The following LRRK2 variants were observed in gnomAD, a reference collection of about 807,000 sequenced individuals.
LRRK2 encodes the protein leucine rich repeat kinase 2.
A neutral mutation model predicts 302.6 loss-of-function variants in LRRK2; 203 were observed. The observed-to-expected ratio is 0.67, with a 90% CI of 0.60 to 0.75. The LOEUF is 0.75. Ranked by LOEUF, LRRK2 falls within the 30% of genes least tolerant of loss-of-function variation. LRRK2 has a pLI of 0.00. For missense variants in LRRK2, 2,830 were observed against 2,951.0 expected (o/e 0.96, Z 0.95); for synonymous variants, 1,066 against 1,031.9 (o/e 1.03, Z -0.63).
chr12:40,254,342 T>A (rs766228239), intron 11 of LRRK2, among the ~76,000 whole-genome samples: 1 of 152,196 alleles, frequency 6.6e-6, no homozygotes, highest in African/African-American at 2.4e-5. Context: ...AATCATTTCT[T>A]CTTCCTCTTC....
intron 7 of LRRK2, 128 bp from the exon 8 acceptor site, chr12:40,249,698 A>C (rs1942167034): frequency 9.5e-7 from 1 of 1,058,180 alleles, no homozygotes; most frequent in African/African-American, 1.6e-5. Context: ...ATTTTAATTA[A>C]AGTAAATGTT....
At chr12:40,279,225 T>TTTTTTTTTTTTTTTTTTTTTGAG (rs1943587148) in intron 18 of LRRK2, among the ~76,000 whole-genome samples, 4 of 148,056 alleles carry the variant, frequency 2.7e-5, no homozygotes, top group Non-Finnish European at 6.0e-5. Flanking sequence ...GTTTACTTTT[T>TTTTTTTTTTTTTTTTTTTTTGAG]AAACCTTACT....
chr12:40,291,442 AT>A (rs1944155291), intron 20 of LRRK2, among the ~76,000 whole-genome samples: 2 of 149,878 alleles, frequency 1.3e-5, no homozygotes, highest in Admixed American at 6.7e-5. Flanking sequence ...ATATATATAT[AT>A]ATATATAAAT....
chr12:40,236,909 A>T (rs1941490817), intron 4 of LRRK2, among the ~76,000 whole-genome samples: 1 of 151,796 alleles, frequency 6.6e-6, no homozygotes, highest in Non-Finnish European at 1.5e-5. Flanking sequence ...CAGGAAGATG[A>T]GGGTTTATTA....
intron 7 of LRRK2, among the ~76,000 whole-genome samples, chr12:40,248,867 C>G (rs952240752): frequency 6.6e-6 from 1 of 152,122 alleles, no homozygotes; most frequent in African/African-American, 2.4e-5. Flanking sequence ...AGAAAATCTT[C>G]TTGAAAACAC....
chr12:40,285,475 ATATT>A (rs1943883797), intron 19 of LRRK2, among the ~76,000 whole-genome samples: 1 of 152,054 alleles, frequency 6.6e-6, no homozygotes, highest in Non-Finnish European at 1.5e-5. Context: ...CATGCTTCAT[ATATT>A]GATATGAATT....
rs1035779113 is a variant in LRRK2 at position 40,278,349 on chromosome 12, A to G, written c.2241+88A>G. On this transcript the variant is annotated intron_variant, in intron 18 of 50. Coordinates refer to ENST00000298910, the MANE Select transcript of LRRK2 (RefSeq NM_198578.4). ...CCATTGTGTATCTCTTACTTATATC[A>G]TATTATTCTTCACTACAGAAATTTA... 3.4e-6 allele frequency: 5 copies of G among 1,476,356 alleles called. No individual in the cohort carries two copies. In the African/African-American group the frequency reaches 4.2e-5, roughly 12 times the overall value. The allele number at this position is 1,476,356 out of a possible 1,614,324, so 91.5% of individuals were successfully genotyped here.
intron 38 of LRRK2, among the ~76,000 whole-genome samples, chr12:40,324,426 G>A (rs1316208931): frequency 1.3e-5 from 2 of 152,162 alleles, no homozygotes; most frequent in Non-Finnish European, 1.5e-5. Flanking sequence ...ATTATTAACT[G>A]TAGGCTGACA....
intron 16 of LRRK2, among the ~76,000 whole-genome samples, chr12:40,276,134 G>A (rs1420173861): frequency 5.9e-5 from 9 of 152,110 alleles, no homozygotes; most frequent in Admixed American, 5.9e-4. Context: ...AACCAAGATA[G>A]GATTGATTAA....
Position 40,367,854 on chromosome 12 carries a change from TCAC to T in LRRK2, c.*90_*92del. 2 of 1,346,904 alleles carry T rather than the reference TCAC, an allele frequency of 1.5e-6. No individual in the cohort carries two copies. Among genetic ancestry groups the T allele is most frequent in the South Asian group, 2.9e-5 (2 of 69,422 alleles). 83.4% of individuals were successfully genotyped at this position (1,346,904 alleles called of 1,614,324 possible). Reference sequence around the variant, plus strand: ...AAAAATGTTCACATGGAAAGGGTACTCACATTTTTTGAAATAGCTCGTGTGTAT... The same window carrying T: ...AAAAATGTTCACATGGAAAGGGTACTATTTTTTGAAATAGCTCGTGTGTAT... On this transcript the variant is annotated 3_prime_UTR_variant, in exon 51 of 51. Coordinates refer to ENST00000298910, the MANE Select transcript of LRRK2 (RefSeq NM_198578.4).
chr12:40,262,663 A>G (rs1942827159), intron 13 of LRRK2, among the ~76,000 whole-genome samples: 1 of 152,242 alleles, frequency 6.6e-6, no homozygotes, highest in African/African-American at 2.4e-5. Flanking sequence ...GTGATAGAAC[A>G]AAGACTGGAG....
At chr12:40,308,930 T>A (rs1279778844) in intron 29 of LRRK2, among the ~76,000 whole-genome samples, 176 bp from the exon 30 acceptor site, 1 of 152,190 alleles carries the variant, frequency 6.6e-6, no homozygotes, top group East Asian at 1.9e-4. Context: ...ACAAATATGC[T>A]AAAAGTGGTC....
intron 14 of LRRK2, among the ~76,000 whole-genome samples, chr12:40,272,833 G>A (rs1410894457): frequency 1.3e-5 from 2 of 152,080 alleles, no homozygotes; most frequent in East Asian, 1.9e-4. Context: ...CTGATTATAC[G>A]AAATTAAAGG....
intron 16 of LRRK2, among the ~76,000 whole-genome samples, chr12:40,275,889 G>A (rs990255850): frequency 1.3e-5 from 2 of 152,062 alleles, no homozygotes; most frequent in South Asian, 2.1e-4. Flanking sequence ...TGGGATTACA[G>A]GTGTGAGCCA....
intron 39 of LRRK2, among the ~76,000 whole-genome samples, chr12:40,328,811 A>G (rs1204523671): frequency 2.0e-5 from 3 of 152,300 alleles, no homozygotes; most frequent in Non-Finnish European, 2.9e-5. Flanking sequence ...AGAAATGTAG[A>G]AACTTGGGAC....
chr12:40,345,691 G>A (rs11564147), intron 41 of LRRK2, among the ~76,000 whole-genome samples: 12,427 of 147,702 alleles, frequency 0.084, 736 homozygotes, highest in South Asian at 0.18. Flanking sequence ...TATACCCGAC[G>A]CATAAATTCA....
intron 5 of LRRK2, among the ~76,000 whole-genome samples, chr12:40,239,633 G>T (rs779944363): frequency 1.3e-5 from 2 of 152,106 alleles, no homozygotes; most frequent in Non-Finnish European, 2.9e-5. Context: ...AGGAGTATCA[G>T]GTTCTCCAGG....
At chr12:40,335,554 T>C (rs1945843655) in intron 40 of LRRK2, among the ~76,000 whole-genome samples, 1 of 152,184 alleles carries the variant, frequency 6.6e-6, no homozygotes, top group African/African-American at 2.4e-5. Flanking sequence ...TTCTTCGGCA[T>C]GACCATCTCA....
chr12:40,284,557 TAC>T (rs888942957), intron 19 of LRRK2, among the ~76,000 whole-genome samples: 2 of 152,166 alleles, frequency 1.3e-5, no homozygotes, highest in African/African-American at 4.8e-5. Flanking sequence ...TGTAAAAGCA[TAC>T]ACACATATTT....
Sources: gnomAD v4.1 joint callset for allele counts (sites outside exome capture counted in the v4.1 genomes callset) on GRCh38, gnomAD v4.1.1 for gene constraint, MANE v1.5 for transcripts, NCBI Gene and HGNC (gene_info 2026-07-23, HGNC 2026-07-21) for gene names.